The following TONSL variants were observed in gnomAD, a reference collection of about 807,000 sequenced individuals.
TONSL encodes tonsoku like, DNA repair protein, also known as tonsoku-like protein.
A neutral mutation model predicts 147.1 loss-of-function variants in TONSL; 112 were observed. The ratio of observed to expected loss-of-function variants is 0.76; its 90% CI spans 0.65 to 0.89. TONSL has a LOEUF of 0.89. Ranked by LOEUF, TONSL falls within the 40% of genes least tolerant of loss-of-function variation. The pLI is 0.00. For missense variants in TONSL, 1,883 were observed against 1,864.6 expected (o/e 1.01, Z -0.18); for synonymous variants, 868 against 801.5 (o/e 1.08, Z -1.40).
At chr8:144,439,541 C>T (rs1381602716) in intron 11 of TONSL, among the ~76,000 whole-genome samples, 2 of 152,216 alleles carry the variant, frequency 1.3e-5, no homozygotes, top group East Asian at 3.9e-4. Flanking sequence ...TACCCGCTAA[C>T]CCCGCTCTCA....
rs750301237 is a variant in TONSL, at chr8:144,435,921, G to A, written c.2512C>T (p.Leu838=). 2.5e-6 allele frequency: 4 copies of A among 1,580,218 alleles called. No homozygotes were observed. The highest frequency in any genetic ancestry group is 3.4e-5 in the Admixed American group (2 of 58,328). The change falls in exon 17 of 26, where the codon CTG becomes TTG. Residue 838 remains leucine, a synonymous_variant. Transcript: ENST00000409379. ...CGGCTGCGGGTCAGGGGCATGTCCAGCTCCAGCCAGTCCCCGGCCAGGCAC... is the reference window on the plus strand; with the variant it reads ...CGGCTGCGGGTCAGGGGCATGTCCAACTCCAGCCAGTCCCCGGCCAGGCAC... The part of the protein sequence containing the change: ...EECLAGDWLE[L]DMPLTRSRRP...
intron 7 of TONSL, chr8:144,441,628 C>A: frequency 4.8e-6 from 1 of 206,216 alleles, no homozygotes; most frequent in Non-Finnish European, 9.9e-6. Flanking sequence ...TGGTGCCTGG[C>A]TCAAAGTAAG....
chr8:144,444,313 G>T, intron 1 of TONSL, 38 bp from the exon 2 acceptor site: 1 of 1,343,994 alleles, frequency 7.4e-7, no homozygotes, highest in Non-Finnish European at 9.6e-7. Flanking sequence ...TCCGCGGCGG[G>T]GTCCGGGGCC....
Position 144,429,010 on chromosome 8 carries a change from C to G in TONSL, c.*133G>C. On this transcript the variant is annotated 3_prime_UTR_variant, in exon 26 of 26. Coordinates refer to ENST00000409379, the MANE Select transcript of TONSL (RefSeq NM_013432.5). Reference sequence around the variant, plus strand: ...TTCACCATGTTAGCCAGGATGGTCTCGATCTCCTGACCTCGTGATCCGCCC... The same window carrying G: ...TTCACCATGTTAGCCAGGATGGTCTGGATCTCCTGACCTCGTGATCCGCCC... The G allele has an allele frequency of 9.6e-7, 1 of 1,036,984 alleles. No homozygotes were observed. Among genetic ancestry groups the G allele is most frequent in the Non-Finnish European group, 1.3e-6 (1 of 753,352 alleles). The allele number at this position is 1,036,984 out of a possible 1,614,324, so 64.2% of individuals were successfully genotyped here.
chr8:144,429,754 A>G (rs1477858989), intron 25 of TONSL, among the ~76,000 whole-genome samples: 2 of 152,136 alleles, frequency 1.3e-5, no homozygotes, highest in Non-Finnish European at 2.9e-5. Context: ...GGGGTCTCAC[A>G]CCAGCACTCG....
chr8:144,436,454 C>T lies in TONSL; in HGVS notation c.2015-36G>A, dbSNP rs550513857. On this transcript the variant is annotated intron_variant, in intron 16 of 25. Transcript: ENST00000409379. ...GAGAATGCGTGTTGAGGCAGGGGCCCGGCACCTCCCGCTCCACCTGTGATG... is the reference window on the plus strand; with the variant it reads ...GAGAATGCGTGTTGAGGCAGGGGCCTGGCACCTCCCGCTCCACCTGTGATG... 2.3e-5 allele frequency: 36 copies of T among 1,534,804 alleles called. No individual in the cohort carries two copies. In the African/African-American group the frequency reaches 3.4e-4, roughly 15 times the overall value.
At position 144,429,250 on chromosome 8, in the gene TONSL, G is replaced by C; in HGVS notation, c.4030C>G (p.Leu1344Val). Residue 1344 changes from leucine to valine, a missense_variant, in exon 26 of 26, where the codon CTC (leucine) becomes GTC (valine). Transcript: ENST00000409379. The stretch of plus-strand genomic sequence containing the variant: ...AGGGCGTCCCTGTCCTCAGCGCAGA[G>C]GCGTCTGCTGCACAGCTGCAGTTCC... ...LRELQLCSRRLCAEDRDALRQ... is the reference protein window; with the variant it reads ...LRELQLCSRRVCAEDRDALRQ... The C allele has an allele frequency of 1.3e-6, 2 of 1,530,366 alleles. No individual in the cohort carries two copies. Among genetic ancestry groups the C allele is most frequent in the Non-Finnish European group, 1.8e-6 (2 of 1,140,086 alleles). 94.8% of individuals were successfully genotyped at this position (1,530,366 alleles called of 1,614,324 possible). A position where few individuals can be genotyped will look rare whatever the true frequency, so the allele number is the denominator to read the frequency against.
chr8:144,438,983 C>T (rs1823592682), intron 11 of TONSL, among the ~76,000 whole-genome samples: 2 of 152,134 alleles, frequency 1.3e-5, no homozygotes, highest in African/African-American at 4.8e-5. Flanking sequence ...CACCCCTGAG[C>T]TTTCTGCCCT....
Position 144,440,860 on chromosome 8 carries a change from G to C in TONSL, c.1022C>G (p.Ala341Gly), listed in dbSNP as rs143043152. 11 of 1,612,650 alleles carry C rather than the reference G, an allele frequency of 6.8e-6. No individual in the cohort carries two copies. Among genetic ancestry groups the C allele is most frequent in the Non-Finnish European group, 8.5e-6 (10 of 1,179,910 alleles). ...AGCACCCGGTCTGTCCAGCAGCTCA[G>C]CAAAACGCAGCTGGGGGCAGTGCCA... ...AEAYQKQLRF[A>G]ELLDRPGAER... Residue 341 changes from alanine (A) to glycine (G), a missense_variant, in exon 9 of 26, where the codon GCT (alanine) becomes GGT (glycine). By Grantham distance (60) the Ala-to-Gly change is moderately conservative (BLOSUM62 0). Coordinates refer to ENST00000409379, the MANE Select transcript of TONSL (RefSeq NM_013432.5).
intron 5 of TONSL, 128 bp from the exon 6 acceptor site, chr8:144,442,540 G>T: frequency 2.0e-6 from 3 of 1,481,714 alleles, no homozygotes; most frequent in East Asian, 2.3e-5. Context: ...CCCAGTGTGT[G>T]GCACAGGTGT....
Position 144,429,125 on chromosome 8 carries a change from G to A in TONSL, c.*18C>T, listed in dbSNP as rs764302184. The A allele has an allele frequency of 9.1e-5, 138 of 1,513,414 alleles. No homozygotes were observed. Among genetic ancestry groups the A allele is most frequent in the Non-Finnish European group, 1.1e-4 (125 of 1,135,884 alleles). The allele number at this position is 1,513,414 out of a possible 1,614,324, so 93.7% of individuals were successfully genotyped here. ...TTATTAGGGGCTTCGGTGAGGGTGG[G>A]GAAAGGCAGCGCCAGGGTCAGAGGC... On this transcript the variant is annotated 3_prime_UTR_variant, in exon 26 of 26. Coordinates refer to ENST00000409379, the MANE Select transcript of TONSL (RefSeq NM_013432.5).
At position 144,435,834 on chromosome 8, in the gene TONSL, T is replaced by A. The variant is rs768833681; in HGVS notation, c.2599A>T (p.Ser867Cys). 1.9e-6 allele frequency: 3 copies of A among 1,611,608 alleles called. No homozygotes were observed. Among genetic ancestry groups the A allele is most frequent in the Non-Finnish European group, 2.5e-6 (3 of 1,179,278 alleles). Residue 867 changes from serine to cysteine, a missense_variant, in exon 17 of 26, where the codon AGT becomes TGT. Transcript: ENST00000409379. Reference protein sequence around the residue: ...RRPSSTSGSDSEESRPRARAK... With the variant: ...RRPSSTSGSDCEESRPRARAK... Reference sequence around the variant, plus strand: ...CGGGCACGGGGCCTGCTCTCCTCACTGTCCGACCCAGAGGTACTACTGGGC... The same window carrying A: ...CGGGCACGGGGCCTGCTCTCCTCACAGTCCGACCCAGAGGTACTACTGGGC...
chr8:144,442,998 G>A (rs1483178734), intron 4 of TONSL, 140 bp downstream of exon 4: 4 of 1,234,978 alleles, frequency 3.2e-6, no homozygotes, highest in African/African-American at 1.5e-5. Context: ...GGTTGAGCGG[G>A]GCATGCACCC....
rs868721926 is a variant in TONSL, at chr8:144,440,777, G to T, written c.1105C>A (p.His369Asn). 6.2e-7 allele frequency: 1 copy of T among 1,612,852 alleles called. No homozygotes were observed. Among genetic ancestry groups the T allele is most frequent in the Admixed American group, 1.7e-5 (1 of 59,996 alleles). Residue 369 changes from histidine to asparagine, a missense_variant, in exon 9 of 26, where the codon CAT (histidine) becomes AAT (asparagine). Coordinates refer to ENST00000409379, the MANE Select transcript of TONSL (RefSeq NM_013432.5). ...TCCTCATAGTGGCGCACGGCCCCAT[G>T]GTGGTCCTTCATGTCTCCCAGTGTG... ...ATTLGDMKDH[H>N]GAVRHYEEEL...
chr8:144,431,283 A>T, intron 23 of TONSL, 132 bp from the exon 24 acceptor site: 1 of 746,190 alleles, frequency 1.3e-6, no homozygotes. Flanking sequence ...ATCGGAAGGA[A>T]ACACCTCTCC....
chr8:144,434,279 C>T lies in TONSL; in HGVS notation c.3086G>A (p.Gly1029Glu), dbSNP rs1423333296. 6.6e-7 allele frequency: 1 copy of T among 1,504,364 alleles called. No individual in the cohort carries two copies. The highest frequency in any genetic ancestry group is 1.4e-5 in the African/African-American group (1 of 71,390). 93.2% of individuals were successfully genotyped at this position (1,504,364 alleles called of 1,614,324 possible). ...YRRACQSLGQ[G>E]EHQQVLQAVE... Reference sequence around the variant, plus strand: ...GGCCTGCAGCACCTGTTGGTGCTCCCCTGCGGGAGGGATGTGATGTCACCA... The same window carrying T: ...GGCCTGCAGCACCTGTTGGTGCTCCTCTGCGGGAGGGATGTGATGTCACCA... The change falls in exon 21 of 26, where the codon GGG becomes GAG. Residue 1029 changes from glycine (G) to glutamate (E), a missense_variant and splice_region_variant. By Grantham distance (98) the Gly-to-Glu change is moderately conservative. Coordinates refer to ENST00000409379, the MANE Select transcript of TONSL (RefSeq NM_013432.5).
chr8:144,430,355 C>T, intron 25 of TONSL, 49 bp downstream of exon 25: 1 of 1,502,464 alleles, frequency 6.7e-7, no homozygotes, highest in South Asian at 1.3e-5. Context: ...TCAGGCAGGT[C>T]CCTGAAAAGG....
intron 4 of TONSL, 66 bp from the exon 5 acceptor site, chr8:144,442,872 C>A: frequency 6.5e-7 from 1 of 1,550,254 alleles, no homozygotes. Context: ...CTTTGGGCCC[C>A]ATTTGGGGCC....
At chr8:144,439,905 C>G in intron 11 of TONSL, 116 bp downstream of exon 11, 1 of 620,498 alleles carries the variant, frequency 1.6e-6, no homozygotes, top group South Asian at 1.9e-5. Flanking sequence ...GCCGTCCTGC[C>G]TGCCTGTGGC....
Sources: gnomAD v4.1 joint callset for allele counts (sites outside exome capture counted in the v4.1 genomes callset) on GRCh38, gnomAD v4.1.1 for gene constraint, MANE v1.5 for transcripts, NCBI Gene and HGNC (gene_info 2026-07-23, HGNC 2026-07-21) for gene names.